The following LIN28B variants were observed in gnomAD, a reference collection of about 807,000 sequenced individuals.
The protein encoded by LIN28B is protein lin-28 homolog B.
In LIN28B, 5 loss-of-function variants were observed where a neutral mutation model predicts 21.9. The ratio of observed to expected loss-of-function variants is 0.23; its 90% CI spans 0.12 to 0.48. LIN28B has a LOEUF of 0.48. Among genes scored for constraint, LIN28B ranks in the 20% least tolerant of loss-of-function variants. The probability of loss-of-function intolerance (pLI) is 0.98; values close to 1 mark genes in which losing one functional copy is unlikely to be tolerated. For synonymous variants in LIN28B, 109 were observed against 111.3 expected, an observed-to-expected ratio of 0.98 and a Z score of 0.13; for missense variants, 245 against 310.5, an observed-to-expected ratio of 0.79 and a Z score of 1.58.
intron 2 of LIN28B, among the ~76,000 whole-genome samples, chr6:104,960,358 A>C (rs1401795452): frequency 6.6e-6 from 1 of 152,188 alleles, no homozygotes; most frequent in Non-Finnish European, 1.5e-5. Context: ...TTATGGAATA[A>C]GGTTGCAATT....
chr6:104,963,882 A>G (rs1439135730), intron 2 of LIN28B, among the ~76,000 whole-genome samples: 3 of 152,262 alleles, frequency 2.0e-5, no homozygotes, highest in Non-Finnish European at 2.9e-5. Flanking sequence ...TTAAATAAAA[A>G]TATGAGTGTC....
intron 3 of LIN28B, among the ~76,000 whole-genome samples, chr6:104,950,972 T>C (rs1032482152): frequency 2.0e-5 from 3 of 152,150 alleles, no homozygotes; most frequent in Non-Finnish European, 4.4e-5. Context: ...GCACAATATA[T>C]TAGACATTTT....
At chr6:104,999,970 A>G (rs1029435020) in intron 2 of LIN28B, among the ~76,000 whole-genome samples, 1 of 152,082 alleles carries the variant, frequency 6.6e-6, no homozygotes, top group Non-Finnish European at 1.5e-5. Context: ...TGTTAACTGT[A>G]TTCAGAAGTT....
chr6:104,973,460 A>T (rs928793786), intron 2 of LIN28B, among the ~76,000 whole-genome samples: 1 of 152,138 alleles, frequency 6.6e-6, no homozygotes, highest in Non-Finnish European at 1.5e-5. Flanking sequence ...TTATAATTTG[A>T]TCTGCCACCA....
intron 3 of LIN28B, among the ~76,000 whole-genome samples, chr6:105,059,603 A>G (rs1772087357): frequency 6.6e-6 from 1 of 152,206 alleles, no homozygotes; most frequent in Admixed American, 6.5e-5. Context: ...AATTGATTAG[A>G]TAAAGGGAAA....
At chr6:104,998,077 A>G (rs1770649318) in intron 2 of LIN28B, among the ~76,000 whole-genome samples, 1 of 152,236 alleles carries the variant, frequency 6.6e-6, no homozygotes, top group African/African-American at 2.4e-5. Flanking sequence ...AGTCATAATT[A>G]GAATAGTTTT....
chr6:105,043,397 G>A (rs1426605906), intron 3 of LIN28B, among the ~76,000 whole-genome samples: 2 of 123,494 alleles, frequency 1.6e-5, no homozygotes, highest in Admixed American at 7.8e-5. Flanking sequence ...TACAAAGTTA[G>A]TATAAAAGAA....
intron 2 of LIN28B, among the ~76,000 whole-genome samples, chr6:104,968,109 T>A (rs1236424728): frequency 1.3e-5 from 2 of 152,216 alleles, no homozygotes; most frequent in Non-Finnish European, 2.9e-5. Flanking sequence ...GCCAACTAAT[T>A]TTTATTGATC....
At chr6:104,967,406 C>T (rs1162231689) in intron 2 of LIN28B, among the ~76,000 whole-genome samples, 1 of 150,728 alleles carries the variant, frequency 6.6e-6, no homozygotes, top group African/African-American at 2.4e-5. Flanking sequence ...ATGGTAAAAC[C>T]CTGTCTCTCC....
chr6:104,967,643 G>T (rs1035257632), intron 2 of LIN28B, among the ~76,000 whole-genome samples: 5 of 143,322 alleles, frequency 3.5e-5, no homozygotes, highest in African/African-American at 1.3e-4. Context: ...CTCAGTTTTT[G>T]TATAAACATT....
At chr6:104,980,873 G>A (rs1003445241) in intron 2 of LIN28B, among the ~76,000 whole-genome samples, 7 of 152,002 alleles carry the variant, frequency 4.6e-5, no homozygotes, top group Admixed American at 3.9e-4. Flanking sequence ...TAATCTGTTA[G>A]TAATTTTATT....
chr6:104,995,968 T>A (rs1770590984), intron 2 of LIN28B, among the ~76,000 whole-genome samples: 1 of 146,882 alleles, frequency 6.8e-6, no homozygotes, highest in Non-Finnish European at 1.5e-5. Flanking sequence ...ATATACTTTA[T>A]ATATATATAT....
intron 3 of LIN28B, among the ~76,000 whole-genome samples, chr6:105,047,151 G>T (rs1392987494): frequency 1.3e-5 from 2 of 152,096 alleles, no homozygotes; most frequent in Non-Finnish European, 2.9e-5. Context: ...ATGGTTTTAG[G>T]TCTAACATTT....
chr6:105,008,663 A>C (rs1467863280), intron 2 of LIN28B, among the ~76,000 whole-genome samples: 1 of 151,874 alleles, frequency 6.6e-6, no homozygotes, highest in Admixed American at 6.6e-5. Context: ...AAAAAAGAGC[A>C]TACCAATATC....
chr6:104,968,982 A>G (rs895604638), intron 2 of LIN28B, among the ~76,000 whole-genome samples: 5 of 152,218 alleles, frequency 3.3e-5, no homozygotes, highest in Admixed American at 6.6e-5. Flanking sequence ...CTTATGATAT[A>G]TAAGCACTGA....
chr6:105,038,936 T>C (rs933442153), intron 3 of LIN28B, among the ~76,000 whole-genome samples: 19 of 152,150 alleles, frequency 1.2e-4, no homozygotes, highest in African/African-American at 4.3e-4. Context: ...CGTTCCACAA[T>C]ACTGATGGGA....
chr6:105,066,504 C>A (rs1018843456), intron 3 of LIN28B, among the ~76,000 whole-genome samples: 2 of 152,086 alleles, frequency 1.3e-5, no homozygotes, highest in African/African-American at 4.8e-5. Flanking sequence ...GTCATGCCAC[C>A]AAAATTGATT....
intron 1 of LIN28B, among the ~76,000 whole-genome samples, chr6:104,957,495 T>A (rs965887588): frequency 1.3e-5 from 2 of 151,942 alleles, no homozygotes; most frequent in African/African-American, 4.8e-5. Context: ...TTCAGGGGGC[T>A]ATTGTTTGAA....
intron 2 of LIN28B, among the ~76,000 whole-genome samples, chr6:105,025,865 A>G (rs923848976): frequency 2.0e-5 from 3 of 152,186 alleles, no homozygotes; most frequent in South Asian, 2.1e-4. Context: ...GAACATGTAG[A>G]ACTAATAAAA....
Sources: allele counts gnomAD v4.1 joint callset (sites outside exome capture counted in the v4.1 genomes callset), GRCh38; gene constraint gnomAD v4.1.1; transcripts MANE v1.5; gene names NCBI Gene and HGNC (gene_info 2026-07-23, HGNC 2026-07-21).